Variants in AGBL4 observed in about 807,000 individuals in gnomAD.
AGBL4 encodes the protein AGBL carboxypeptidase 4.
A neutral mutation model predicts 66.4 loss-of-function variants in AGBL4; 58 were observed. That is an observed-to-expected ratio of 0.87 (90% CI 0.71 to 1.09). The LOEUF (loss-of-function observed/expected upper bound fraction) is 1.09. Ranked by LOEUF, AGBL4 falls within the 50% of genes least tolerant of loss-of-function variation. The pLI is 0.00. For synonymous variants in AGBL4, 234 were observed against 222.9 expected (o/e 1.05, Z -0.44); for missense variants, 579 against 631.0 (o/e 0.92, Z 0.88).
intron 3 of AGBL4, among the ~76,000 whole-genome samples, chr1:49,285,950 G>A (rs1472019093): frequency 1.3e-5 from 2 of 152,156 alleles, no homozygotes; most frequent in African/African-American, 2.4e-5. Context: ...GAACATTGAT[G>A]CAAAAATCCT....
intron 3 of AGBL4, among the ~76,000 whole-genome samples, chr1:49,408,630 G>A (rs1007588984): frequency 6.6e-6 from 1 of 152,264 alleles, no homozygotes; most frequent in Middle Eastern, 3.4e-3. Flanking sequence ...GAGTCTTAGG[G>A]CCTTCATCTT....
intron 3 of AGBL4, among the ~76,000 whole-genome samples, chr1:49,553,249 T>C (rs1571015002): frequency 6.6e-6 from 1 of 152,164 alleles, no homozygotes; most frequent in African/African-American, 2.4e-5. Flanking sequence ...TTGTGTAACT[T>C]TGGGCAAATT....
At chr1:49,991,670 G>A (rs1179460053) in intron 1 of AGBL4, among the ~76,000 whole-genome samples, 1 of 152,106 alleles carries the variant, frequency 6.6e-6, no homozygotes, top group African/African-American at 2.4e-5. Flanking sequence ...AGTTCAAGGT[G>A]CCTAAAATAA....
chr1:49,732,337 T>C (rs767126684), intron 2 of AGBL4, among the ~76,000 whole-genome samples: 2 of 152,082 alleles, frequency 1.3e-5, no homozygotes, highest in African/African-American at 2.4e-5. Context: ...CAGAGAATAA[T>C]TGAAAAGAAC....
chr1:49,847,283 G>T (rs761892617), intron 2 of AGBL4, among the ~76,000 whole-genome samples: 5 of 152,116 alleles, frequency 3.3e-5, no homozygotes, highest in Non-Finnish European at 7.4e-5. Context: ...AGACTTAAAT[G>T]TAAGACCTAA....
intron 3 of AGBL4, among the ~76,000 whole-genome samples, chr1:49,342,643 C>T (rs1645563529): frequency 6.6e-6 from 1 of 152,274 alleles, no homozygotes; most frequent in Admixed American, 6.5e-5. Context: ...CTGCCCAATG[C>T]TGTATTTCTG....
At chr1:48,770,309 A>G (rs1644749131) in intron 6 of AGBL4, among the ~76,000 whole-genome samples, 1 of 152,172 alleles carries the variant, frequency 6.6e-6, no homozygotes, top group African/African-American at 2.4e-5. Flanking sequence ...GGTAGCTGCT[A>G]TATAGTTAAA....
intron 1 of AGBL4, among the ~76,000 whole-genome samples, chr1:49,999,909 A>G (rs1357285026): frequency 6.6e-6 from 1 of 152,180 alleles, no homozygotes; most frequent in Non-Finnish European, 1.5e-5. Context: ...CTCACCCTAT[A>G]CAAAAACCAA....
At chr1:49,241,199 A>G (rs1651203148) in intron 4 of AGBL4, among the ~76,000 whole-genome samples, 1 of 152,030 alleles carries the variant, frequency 6.6e-6, no homozygotes, top group African/African-American at 2.4e-5. Flanking sequence ...ATCTTTCTAA[A>G]CTGCCAATCT....
At chr1:48,650,737 A>G (rs1206648987) in intron 8 of AGBL4, among the ~76,000 whole-genome samples, 1 of 152,228 alleles carries the variant, frequency 6.6e-6, no homozygotes, top group East Asian at 1.9e-4. Flanking sequence ...TGTGTTTCAG[A>G]AACCATAACA....
chr1:48,994,328 C>A (rs1557538237), intron 5 of AGBL4, among the ~76,000 whole-genome samples: 1 of 152,168 alleles, frequency 6.6e-6, no homozygotes, highest in Non-Finnish European at 1.5e-5. Flanking sequence ...TTTAAAACTT[C>A]CTGGATGTTT....
At chr1:49,307,701 C>A (rs1198004195) in intron 3 of AGBL4, among the ~76,000 whole-genome samples, 3 of 152,066 alleles carry the variant, frequency 2.0e-5, no homozygotes, top group Non-Finnish European at 4.4e-5. Flanking sequence ...GCCTTTGTAA[C>A]CAGCCATTCT....
chr1:49,184,140 A>T (rs1646975670), intron 4 of AGBL4, among the ~76,000 whole-genome samples: 1 of 152,196 alleles, frequency 6.6e-6, no homozygotes, highest in Non-Finnish European at 1.5e-5. Context: ...ACTCTCATAC[A>T]TACTGACCCT....
At chr1:49,957,820 C>T (rs1291204743) in intron 1 of AGBL4, among the ~76,000 whole-genome samples, 1 of 151,984 alleles carries the variant, frequency 6.6e-6, no homozygotes, top group Non-Finnish European at 1.5e-5. Flanking sequence ...TCCAATTTGC[C>T]AGTCTGTGTC....
At chr1:48,871,399 G>A (rs1158060383) in intron 5 of AGBL4, among the ~76,000 whole-genome samples, 2 of 134,998 alleles carry the variant, frequency 1.5e-5, no homozygotes, top group Admixed American at 7.3e-5. Context: ...GTGTGTGTAT[G>A]TGCGTTTGGG....
intron 5 of AGBL4, among the ~76,000 whole-genome samples, chr1:49,018,782 G>A (rs1663017742): frequency 6.6e-6 from 1 of 152,038 alleles, no homozygotes; most frequent in Non-Finnish European, 1.5e-5. Context: ...TTAACTCCTA[G>A]ATATTTCTTG....
chr1:49,664,062 C>T (rs892906794), intron 3 of AGBL4, among the ~76,000 whole-genome samples: 53 of 151,786 alleles, frequency 3.5e-4, no homozygotes, highest in African/African-American at 1.3e-3. Context: ...AGTAGAAAGG[C>T]CCAAGTATGA....
chr1:49,535,690 GT>G, intron 3 of AGBL4, among the ~76,000 whole-genome samples: 1 of 151,678 alleles, frequency 6.6e-6, no homozygotes, highest in African/African-American at 2.4e-5. Context: ...TTTTCGTTTG[GT>G]TTTTTTTGTT....
chr1:49,241,869 A>T (rs1019552232), intron 4 of AGBL4, among the ~76,000 whole-genome samples: 1 of 152,018 alleles, frequency 6.6e-6, no homozygotes, highest in Non-Finnish European at 1.5e-5. Context: ...GCTGGGAGGA[A>T]GTATTATTAT....
Sources: allele counts gnomAD v4.1 joint callset (sites outside exome capture counted in the v4.1 genomes callset), GRCh38; gene constraint gnomAD v4.1.1; transcripts MANE v1.5; gene names NCBI Gene and HGNC (gene_info 2026-07-23, HGNC 2026-07-21).